The following ANO3 variants were observed in gnomAD, a reference collection of about 807,000 sequenced individuals.
ANO3 encodes the protein anoctamin 3, also known as anoctamin-3.
Under a neutral mutation model 144.8 loss-of-function variants are expected in ANO3, and 99 were observed. The ratio of observed to expected loss-of-function variants is 0.68; its 90% CI spans 0.58 to 0.81. The LOEUF (loss-of-function observed/expected upper bound fraction) is 0.81. Among genes scored for constraint, ANO3 ranks in the 30% least tolerant of loss-of-function variants. The pLI is 0.00. For synonymous variants in ANO3, 414 were observed against 392.6 expected, an observed-to-expected ratio of 1.05 and a Z score of -0.64; for missense variants, 905 against 1,202.2, an observed-to-expected ratio of 0.75 and a Z score of 3.66.
chr11:26,563,943 G>T (rs867723414), intron 14 of ANO3, among the ~76,000 whole-genome samples: 1 of 151,844 alleles, frequency 6.6e-6, no homozygotes, highest in African/African-American at 2.4e-5. Flanking sequence ...TCTCTGAACT[G>T]AAATTTAGTA....
At chr11:26,658,279 A>G (rs4600161) in intron 26 of ANO3, among the ~76,000 whole-genome samples, 77,878 of 152,002 alleles carry the variant, frequency 0.51, 20,984 homozygotes, top group South Asian at 0.71. Context: ...TTAATTATAA[A>G]ATACTTCTGC....
At chr11:26,547,139 T>C (rs1246988107) in intron 11 of ANO3, among the ~76,000 whole-genome samples, 1 of 151,822 alleles carries the variant, frequency 6.6e-6, no homozygotes, top group Non-Finnish European at 1.5e-5. Flanking sequence ...AGTAGGAAGA[T>C]GGAGAAAAGC....
chr11:26,593,868 C>T (rs1436277778), intron 14 of ANO3, among the ~76,000 whole-genome samples: 2 of 152,104 alleles, frequency 1.3e-5, no homozygotes, highest in African/African-American at 2.4e-5. Flanking sequence ...TTATCCTGTT[C>T]GTCCCGTTCC....
At chr11:26,214,459 C>A (rs1429394429) in intron 1 of ANO3, among the ~76,000 whole-genome samples, 1 of 151,924 alleles carries the variant, frequency 6.6e-6, no homozygotes, top group Non-Finnish European at 1.5e-5. Context: ...TAGATGTCAT[C>A]GCATCACTAT....
chr11:26,571,379 TACC>T (rs1850820175), intron 14 of ANO3, among the ~76,000 whole-genome samples: 2 of 152,164 alleles, frequency 1.3e-5, no homozygotes, highest in South Asian at 2.1e-4. Flanking sequence ...TAAGAAATTT[TACC>T]ACATTTTCAT....
At chr11:26,345,004 C>T (rs1216587565) in intron 1 of ANO3, among the ~76,000 whole-genome samples, 2 of 152,072 alleles carry the variant, frequency 1.3e-5, no homozygotes, top group African/African-American at 4.8e-5. Flanking sequence ...ACAATGAATA[C>T]ATAGACAAGG....
intron 1 of ANO3, among the ~76,000 whole-genome samples, chr11:26,340,536 G>A (rs562030336): frequency 6.6e-6 from 1 of 152,290 alleles, no homozygotes; most frequent in South Asian, 2.1e-4. Flanking sequence ...AACTCCAGAG[G>A]AGGAGACTAG....
intron 1 of ANO3, among the ~76,000 whole-genome samples, chr11:26,261,338 A>G (rs146300322): frequency 4.0e-4 from 61 of 152,294 alleles, no homozygotes; most frequent in African/African-American, 1.4e-3. Flanking sequence ...ATCAAGATGT[A>G]CTAGTTTCTG....
At chr11:26,437,451 G>A (rs1378550228) in intron 1 of ANO3, among the ~76,000 whole-genome samples, 1 of 152,222 alleles carries the variant, frequency 6.6e-6, no homozygotes. Context: ...GAGAGTAGGA[G>A]GCTCCCCTGG....
chr11:26,553,135 C>G, intron 12 of ANO3, 114 bp from the exon 13 acceptor site: 1 of 765,188 alleles, frequency 1.3e-6, no homozygotes, highest in Non-Finnish European at 2.2e-6. Flanking sequence ...ATTTCTTCTC[C>G]TTTTCCTCTC....
At position 26,503,422 on chromosome 11, in the gene ANO3, C is replaced by G. The variant is rs1861278895; in HGVS notation, c.433-4682C>G. On this transcript the variant is annotated intron_variant, in intron 4 of 26. Transcript: ENST00000256737. The stretch of plus-strand genomic sequence containing the variant: ...TCTGTTTTAAAGCAATAGGTTTGAA[C>G]ATGGGTTAATTAACATATTTGTGAA... Among the ~76,000 whole-genome samples, 4 of 152,042 alleles carry G rather than the reference C, an allele frequency of 2.6e-5. No individual in the cohort carries two copies. The South Asian group carries it at 8.3e-4, about 32-fold the overall frequency.
At chr11:26,327,829 A>T (rs753436051), upstream of ANO3, among the ~76,000 whole-genome samples, 34 of 152,238 alleles carry the variant, frequency 2.2e-4, no homozygotes, top group Admixed American at 6.5e-5. Context: ...GATGTATGGG[A>T]CAAGGTAGCT....
chr11:26,392,356 T>G (rs1261161198), intron 1 of ANO3, among the ~76,000 whole-genome samples: 1 of 151,726 alleles, frequency 6.6e-6, no homozygotes, highest in Non-Finnish European at 1.5e-5. Flanking sequence ...AGGATGACAA[T>G]TGTCTACTAA....
At chr11:26,474,868 T>C (rs895220320) in intron 4 of ANO3, among the ~76,000 whole-genome samples, 7 of 151,832 alleles carry the variant, frequency 4.6e-5, no homozygotes, top group Non-Finnish European at 8.8e-5. Flanking sequence ...ATTAGAAATA[T>C]AAAAATCAGT....
intron 7 of ANO3, among the ~76,000 whole-genome samples, chr11:26,528,748 C>T (rs774202021): frequency 2.6e-5 from 4 of 151,990 alleles, no homozygotes; most frequent in Non-Finnish European, 5.9e-5. Flanking sequence ...CCAACTCCTA[C>T]CCCATTGCTT....
At chr11:26,471,895 G>A (rs894237981) in intron 4 of ANO3, among the ~76,000 whole-genome samples, 1 of 151,836 alleles carries the variant, frequency 6.6e-6, no homozygotes, top group Non-Finnish European at 1.5e-5. Flanking sequence ...GAGGTTTCTC[G>A]AATCACCAAT....
At position 26,477,606 on chromosome 11, in the gene ANO3, C is replaced by T. The variant is rs149434942; in HGVS notation, c.432+14458C>T. 5.7e-3 allele frequency among the ~76,000 whole-genome samples: 867 copies of T among 152,182 alleles called. 10 individuals are homozygous for T. Among genetic ancestry groups the T allele is most frequent in the Admixed American group, 8.2e-3 (126 of 15,276 alleles). ...CTCCTTAACTAAATTACTCTCTTAACGGAGGGGGACAATGGATTATTTTTT... is the reference window on the plus strand; with the variant it reads ...CTCCTTAACTAAATTACTCTCTTAATGGAGGGGGACAATGGATTATTTTTT... On this transcript the variant is annotated intron_variant, in intron 4 of 26. Transcript: ENST00000256737.
At chr11:26,631,165 T>A (rs1218832166) in intron 18 of ANO3, among the ~76,000 whole-genome samples, 11 of 152,090 alleles carry the variant, frequency 7.2e-5, no homozygotes, top group Non-Finnish European at 2.9e-5. Context: ...TGTTTGTACA[T>A]CTTTTATTTG....
At chr11:26,215,045 G>T (rs1852009059) in intron 1 of ANO3, among the ~76,000 whole-genome samples, 1 of 151,902 alleles carries the variant, frequency 6.6e-6, no homozygotes, top group Non-Finnish European at 1.5e-5. Flanking sequence ...CATGACAAAG[G>T]TACGTACTAT....
Sources: gnomAD v4.1 joint callset for allele counts (sites outside exome capture counted in the v4.1 genomes callset) on GRCh38, gnomAD v4.1.1 for gene constraint, MANE v1.5 for transcripts, NCBI Gene and HGNC (gene_info 2026-07-23, HGNC 2026-07-21) for gene names.